Variants in MFSD2A observed in about 807,000 individuals in gnomAD.
MFSD2A encodes the protein MFSD2 lysolipid transporter A, lysophospholipid, also known as sodium-dependent lysophosphatidylcholine symporter 1.
In MFSD2A, 27 loss-of-function variants were observed where a neutral mutation model predicts 64.7. That is an observed-to-expected ratio of 0.42 (90% confidence interval 0.31 to 0.58). The LOEUF (loss-of-function observed/expected upper bound fraction) is 0.58, where lower values mean the gene tolerates loss of function less well. MFSD2A is among the 20% of genes least tolerant of loss of function. The probability of loss-of-function intolerance (pLI) is 0.18; values close to 1 mark genes in which losing one functional copy is unlikely to be tolerated. For synonymous variants in MFSD2A, 258 were observed against 273.4 expected (o/e 0.94, Z 0.55); for missense variants, 474 against 679.5 (o/e 0.70, Z 3.36).
rs6676052 is a variant in MFSD2A, at chr1:39,966,055, A to G, written c.714+41A>G. The G allele has an allele frequency of 0.038, 60,470 of 1,608,792 alleles. 7,426 individuals carry two copies. In the East Asian group the frequency reaches 0.45, roughly 12 times the overall value. ...GGGCAGGGATTTGGGGAGATAAGGA[A>G]CAGTGAGGTGGTTTGTAGTCATCCT... is the stretch of plus-strand genomic sequence containing the variant. On this transcript the variant is annotated intron_variant, in intron 6 of 13. Transcript: ENST00000372811.
rs749044381 is a variant in MFSD2A, at chr1:39,955,444, T to C, written c.93+59T>C. 2.7e-6 allele frequency: 4 copies of C among 1,489,334 alleles called. No homozygotes were observed. Among genetic ancestry groups the C allele is most frequent in the Middle Eastern group, 3.5e-4 (2 of 5,746 alleles). 92.3% of individuals were successfully genotyped at this position (1,489,334 alleles called of 1,614,324 possible). ...GGAGGGAGGAGGCGGAAATGGGGGA[T>C]CAGGGGCGTCCCGGGGTCGGCCTGG... On this transcript the variant is annotated intron_variant, in intron 1 of 13. Transcript: ENST00000372811. This position sits in a 1 kb window ranked among gnomAD's most constrained non-coding sequence, Gnocchi z 5.9.
intron 9 of MFSD2A, 50 bp from the exon 10 acceptor site, chr1:39,967,578 G>T: frequency 1.3e-6 from 2 of 1,550,500 alleles, no homozygotes; most frequent in Non-Finnish European, 8.9e-7. Context: ...GGCAGGAGGG[G>T]CTCTGTGGCT....
At chr1:39,957,272 G>A (rs1644951353) in intron 2 of MFSD2A, 51 bp downstream of exon 2, 1 of 1,504,014 alleles carries the variant, frequency 6.6e-7, no homozygotes, top group Admixed American at 2.3e-5. Context: ...AGGTGGGAAA[G>A]ACTATGCACC....
At chr1:39,962,373 A>C (rs1265832263) in intron 3 of MFSD2A, among the ~76,000 whole-genome samples, 1 of 152,172 alleles carries the variant, frequency 6.6e-6, no homozygotes, top group Non-Finnish European at 1.5e-5. Flanking sequence ...CCCATTTGTG[A>C]ATTGCACCCT....
intron 11 of MFSD2A, 44 bp downstream of exon 11, chr1:39,967,960 A>AGT: frequency 1.6e-6 from 2 of 1,277,486 alleles, no homozygotes; most frequent in Non-Finnish European, 2.2e-6. Flanking sequence ...TCCAGCCCCT[A>AGT]GTCCCCAGTT....
In MFSD2A at chr1:39,955,285, C is replaced by A; in HGVS notation, c.-8C>A. 7.1e-7 allele frequency: 1 copy of A among 1,412,538 alleles called. No individual in the cohort carries two copies. The highest frequency in any genetic ancestry group is 9.2e-7 in the Non-Finnish European group (1 of 1,081,160). 87.5% of individuals were successfully genotyped at this position (1,412,538 alleles called of 1,614,324 possible). On this transcript the variant is annotated 5_prime_UTR_variant, in exon 1 of 14. Coordinates refer to ENST00000372811, the MANE Select transcript of MFSD2A (RefSeq NM_032793.5). This position sits in a 1 kb window ranked among gnomAD's most constrained non-coding sequence, Gnocchi z 5.9. Reference sequence around the variant, plus strand: ...CTACCAGGTCCCAAGCGGCGTGGCCCGCGGGTCATGGCCAAAGGAGAAGGC... The same window carrying A: ...CTACCAGGTCCCAAGCGGCGTGGCCAGCGGGTCATGGCCAAAGGAGAAGGC...
intron 6 of MFSD2A, 120 bp from the exon 7 acceptor site, chr1:39,966,481 A>G (rs1645162776): frequency 1.3e-6 from 1 of 778,126 alleles, no homozygotes; most frequent in Non-Finnish European, 2.2e-6. Context: ...ACACATGGAG[A>G]CAGTACGCTC....
In MFSD2A at chr1:39,958,654, G is replaced by C; in HGVS notation, c.229-47G>C. 1.2e-6 allele frequency: 2 copies of C among 1,614,070 alleles called. No individual in the cohort carries two copies. The highest frequency in any genetic ancestry group is 1.7e-6 in the Non-Finnish European group (2 of 1,180,004). ...CTTCTGCCTACCAGTGAGAGTTGAG[G>C]CGAGTAGAAGGATGAGGAAGTTGTC... is the stretch of plus-strand genomic sequence containing the variant. On this transcript the variant is annotated intron_variant, in intron 2 of 13. Transcript: ENST00000372811. This position sits in a 1 kb window ranked among gnomAD's most constrained non-coding sequence, Gnocchi z 4.7.
rs1645144756 is a variant in MFSD2A at position 39,965,627 on chromosome 1, TTGCTC to T, written c.556+85_556+89del. The T allele has an allele frequency of 6.8e-7, 1 of 1,461,462 alleles. No homozygotes were observed. Among genetic ancestry groups the T allele is most frequent in the Non-Finnish European group, 9.6e-7 (1 of 1,043,380 alleles). The allele number at this position is 1,461,462 out of a possible 1,614,324, so 90.5% of individuals were successfully genotyped here. A position where few individuals can be genotyped will look rare whatever the true frequency, so the allele number is the denominator to read the frequency against. ...CTTCTTCCCTTGCGGGTCCAGCTCT[TTGCTC>T]TGCTCTAGAGTGTGGGTGTGAAACC... is the stretch of plus-strand genomic sequence containing the variant. On this transcript the variant is annotated intron_variant, in intron 5 of 13. Transcript: ENST00000372811. The surrounding 1 kb of genome is among the most constrained non-coding windows in gnomAD (Gnocchi z 5.5).
rs1441275216 is a variant in MFSD2A at position 39,967,845 on chromosome 1, T to C, written c.1137T>C (p.Ser379=). 1 of 1,613,790 alleles carries C rather than the reference T, an allele frequency of 6.2e-7. No individual in the cohort carries two copies. The highest frequency in any genetic ancestry group is 8.5e-7 in the Non-Finnish European group (1 of 1,179,852). ...PFLILVALME[S]NLIITYAVAV... is the part of the protein sequence containing the mutation. ...TCATCTTGGTGGCCCTCATGGAGAG[T>C]AACCTCATCATTACATATGCGGTAG... The change falls in exon 11 of 14, where the codon AGT becomes AGC. Residue 379 remains serine (S), a synonymous_variant. Transcript: ENST00000372811.
chr1:39,962,653 G>T, intron 3 of MFSD2A: 1 of 829,540 alleles, frequency 1.2e-6, no homozygotes, highest in Non-Finnish European at 2.0e-6. Flanking sequence ...ATCCGGGGCC[G>T]GGGTCATGGC....
intron 9 of MFSD2A, 95 bp downstream of exon 9, chr1:39,967,264 G>T (rs1645184179): frequency 8.5e-7 from 1 of 1,180,686 alleles, no homozygotes; most frequent in South Asian, 1.3e-5. Context: ...TTCTCAGGCT[G>T]GCCCAAGGTC....
At position 39,960,594 on chromosome 1, in the gene MFSD2A, T is replaced by C. The variant is rs895593953; in HGVS notation, c.353+1769T>C. Among the ~76,000 whole-genome samples the C allele has an allele frequency of 6.6e-6, 1 of 152,192 alleles. No homozygotes were observed. The highest frequency in any genetic ancestry group is 6.5e-5 in the Admixed American group (1 of 15,288). ...ACGTCGCCTCATGAGGCCCAGCCAA[T>C]GGGAGGCAGCCGCTCCCAGGGATGG... On this transcript the variant is annotated intron_variant, in intron 3 of 13. Coordinates refer to ENST00000372811, the MANE Select transcript of MFSD2A (RefSeq NM_032793.5). This position sits in a 1 kb window ranked among gnomAD's most constrained non-coding sequence, Gnocchi z 4.8.
At chr1:39,956,915 C>CAAAAAA (rs34385828) in intron 1 of MFSD2A, among the ~76,000 whole-genome samples, 172 bp from the exon 2 acceptor site, 5 of 35,346 alleles carry the variant, frequency 1.4e-4, no homozygotes, top group African/African-American at 1.9e-4. Flanking sequence ...GACTCTGTCT[C>CAAAAAA]AAAAAAAAAA....
chr1:39,957,113 G>A lies in MFSD2A; in HGVS notation c.120G>A (p.Gln40=), dbSNP rs1406550304. 1 of 1,614,106 alleles carries A rather than the reference G, an allele frequency of 6.2e-7. No individual in the cohort carries two copies. The highest frequency in any genetic ancestry group is 1.1e-5 in the South Asian group (1 of 91,086). The change falls in exon 2 of 14, where the codon CAG becomes CAA. Residue 40 remains glutamine (Q), a synonymous_variant. Transcript: ENST00000372811. ...VKKEPKKKKQ[Q]LSVCNKLCYA... Reference sequence around the variant, plus strand: ...AAGAACCGAAAAAGAAGAAACAACAGTTGTCTGTTTGCAACAAGCTTTGCT... The same window carrying A: ...AAGAACCGAAAAAGAAGAAACAACAATTGTCTGTTTGCAACAAGCTTTGCT...
In MFSD2A at chr1:39,967,521, T is replaced by A. The variant is rs1645190064; in HGVS notation, c.1012-107T>A. The A allele has an allele frequency of 3.0e-6, 3 of 985,372 alleles. No homozygotes were observed. The African/African-American group carries it at 4.8e-5, about 16-fold the overall frequency. The allele number at this position is 985,372 out of a possible 1,614,324, so 61.0% of individuals were successfully genotyped here. Reference sequence around the variant, plus strand: ...TCGTTGCTGCCCACATGATGTCATCTGGCTGCTCTTGGGCAGGGCTGGGAG... The same window carrying A: ...TCGTTGCTGCCCACATGATGTCATCAGGCTGCTCTTGGGCAGGGCTGGGAG... On this transcript the variant is annotated intron_variant, in intron 9 of 13. Coordinates refer to ENST00000372811, the MANE Select transcript of MFSD2A (RefSeq NM_032793.5).
In MFSD2A at chr1:39,958,726, T is replaced by A; in HGVS notation, c.254T>A (p.Ile85Asn). 1 of 1,614,082 alleles carries A rather than the reference T, an allele frequency of 6.2e-7. No homozygotes were observed. Reference sequence around the variant, plus strand: ...GTGGGCCCTTTCTCTGCCTCCATCATCCTGTTTGTGGGCCGAGCCTGGGAT... The same window carrying A: ...GTGGGCCCTTTCTCTGCCTCCATCAACCTGTTTGTGGGCCGAGCCTGGGAT... ...AQVGPFSASI[I>N]LFVGRAWDAI... The change falls in exon 3 of 14, where the codon ATC (isoleucine) becomes AAC (asparagine). Residue 85 changes from isoleucine (I) to asparagine (N), a missense_variant. Physicochemically the swap from Ile to Asn is moderately radical, Grantham distance 149 (BLOSUM62 -3). Coordinates refer to ENST00000372811, the MANE Select transcript of MFSD2A (RefSeq NM_032793.5). This position sits in a 1 kb window ranked among gnomAD's most constrained non-coding sequence, Gnocchi z 4.7.
In MFSD2A at chr1:39,964,620, T is replaced by TTA; in HGVS notation, c.354-591_354-590insTA. 6.5e-6 allele frequency: 1 copy of TTA among 153,232 alleles called. No homozygotes were observed. 9.5% of individuals were successfully genotyped at this position (153,232 alleles called of 1,614,324 possible). On this transcript the variant is annotated intron_variant, in intron 3 of 13. Transcript: ENST00000372811. The surrounding 1 kb of genome is among the most constrained non-coding windows in gnomAD (Gnocchi z 4.1). ...TTCACTTGGAGCTGGCCTCTCCCCA[T>TTA]CATGCCAGCTTCCCTGTGTGTGAAT...
chr1:39,967,534 G>T (rs1040091772), intron 9 of MFSD2A, 94 bp from the exon 10 acceptor site: 7 of 1,145,566 alleles, frequency 6.1e-6, no homozygotes, highest in African/African-American at 1.5e-5. Flanking sequence ...CTGCTCTTGG[G>T]CAGGGCTGGG....
Sources: allele counts gnomAD v4.1 joint callset (sites outside exome capture counted in the v4.1 genomes callset), GRCh38; gene constraint gnomAD v4.1.1; non-coding constraint Gnocchi (gnomAD v3.1); transcripts MANE v1.5; gene names NCBI Gene and HGNC (gene_info 2026-07-23, HGNC 2026-07-21).